DOP1B: variants seen among roughly 807,000 people sequenced by gnomAD.
DOP1B encodes the protein protein DOP1B.
Under a neutral mutation model 233.5 loss-of-function variants are expected in DOP1B, and 174 were observed. The observed-to-expected ratio is 0.75, with a 90% confidence interval of 0.66 to 0.85. DOP1B has a LOEUF of 0.85. Ranked by LOEUF, DOP1B falls within the 40% of genes least tolerant of loss-of-function variation. The pLI is 0.00. For missense variants in DOP1B, 2,652 were observed against 2,846.6 expected, an observed-to-expected ratio of 0.93 and a Z score of 1.56; for synonymous variants, 1,190 against 1,185.6, an observed-to-expected ratio of 1.00 and a Z score of -0.08.
chr21:36,219,597 A>C lies in DOP1B; in HGVS notation c.1250+105A>C, dbSNP rs1471681468. ...TAAATTGTGAAGTGGTAGAGAAAGC[A>C]GAGATGCAGCAGGTGAGACCATTGG... On this transcript the variant is annotated intron_variant, in intron 10 of 36. Coordinates refer to ENST00000691173, the MANE Select transcript of DOP1B (RefSeq NM_001320714.2). 3 of 1,491,428 alleles carry C rather than the reference A, an allele frequency of 2.0e-6. No homozygotes were observed. The African/African-American group carries it at 4.2e-5, about 21-fold the overall frequency. 92.4% of individuals were successfully genotyped at this position (1,491,428 alleles called of 1,614,324 possible).
At chr21:36,242,509 C>A (rs560803925) in intron 18 of DOP1B, among the ~76,000 whole-genome samples, 2 of 151,954 alleles carry the variant, frequency 1.3e-5, no homozygotes, top group Admixed American at 6.6e-5. Flanking sequence ...ATGGGTGTTT[C>A]GCCATGTTGG....
At chr21:36,239,720 CA>C in intron 17 of DOP1B, 44 bp from the exon 18 acceptor site, 1 of 1,488,854 alleles carries the variant, frequency 6.7e-7, no homozygotes, top group Non-Finnish European at 9.0e-7. Flanking sequence ...GCCTGGCGCA[CA>C]GGGGTGGCTG....
intron 2 of DOP1B, among the ~76,000 whole-genome samples, chr21:36,195,340 CAAAAA>C (rs60003046): frequency 2.4e-5 from 2 of 84,094 alleles, no homozygotes; most frequent in African/African-American, 4.7e-5. Flanking sequence ...GACTCTGGCT[CAAAAA>C]AAAAAAAAAA....
intron 4 of DOP1B, among the ~76,000 whole-genome samples, chr21:36,208,426 G>C (rs1039513003): frequency 6.6e-6 from 1 of 152,216 alleles, no homozygotes; most frequent in Non-Finnish European, 1.5e-5. Flanking sequence ...CCAGGGTGGA[G>C]ATGGGTCTCT....
At chr21:36,262,771 A>G (rs540067927) in intron 24 of DOP1B, among the ~76,000 whole-genome samples, 29 of 152,062 alleles carry the variant, frequency 1.9e-4, no homozygotes, top group Admixed American at 5.2e-4. Flanking sequence ...GCCCGCGCCT[A>G]TACTCCCAGC....
rs78970888 is a variant in DOP1B, at chr21:36,262,049, A to G, written c.5315+1317A>G. 2.6e-3 allele frequency: 2,173 copies of G among 846,976 alleles called. 38 individuals are homozygous for G. The African/African-American group carries it at 0.036, about 14-fold the overall frequency. The allele number at this position is 846,976 out of a possible 1,614,324, so 52.5% of individuals were successfully genotyped here. On this transcript the variant is annotated intron_variant, in intron 24 of 36. Coordinates refer to ENST00000691173, the MANE Select transcript of DOP1B (RefSeq NM_001320714.2). ...AGGCTCCTTGATTCACACAGTTAAC[A>G]TTACATAGTTATTCCCACTCACCAC...
chr21:36,227,737 C>A lies in DOP1B; in HGVS notation c.1525C>A (p.Leu509Met). Reference protein sequence around the residue: ...TQYLPQVLGCLVQPLAEDMEA... With the variant: ...TQYLPQVLGCMVQPLAEDMEA... ...GTATCTCCCTCAGGTGCTCGGCTGC[C>A]TGGTGCAGCCTCTTGCTGAGGACAT... is the stretch of plus-strand genomic sequence containing the variant. Residue 509 changes from leucine to methionine, a missense_variant, in exon 13 of 37, where the codon CTG becomes ATG. This residue lies in a region of DOP1B where 2,617 missense variants were observed against 2,794.3 expected (regional missense o/e 0.94). Transcript: ENST00000691173. 1 of 1,608,466 alleles carries A rather than the reference C, an allele frequency of 6.2e-7. No homozygotes were observed. The highest frequency in any genetic ancestry group is 8.5e-7 in the Non-Finnish European group (1 of 1,176,372).
chr21:36,178,239 T>C (rs557349543), intron 2 of DOP1B, among the ~76,000 whole-genome samples: 5 of 152,206 alleles, frequency 3.3e-5, no homozygotes, highest in South Asian at 4.2e-4. Context: ...ACTTGTACTC[T>C]CAGGACTTTG....
rs1262942141 is a variant in DOP1B at position 36,228,417 on chromosome 21, G to A, written c.1665+540G>A. Among the ~76,000 whole-genome samples the A allele has an allele frequency of 3.3e-5, 5 of 150,682 alleles. No homozygotes were observed. The East Asian group carries it at 6.0e-4, about 18-fold the overall frequency. The stretch of plus-strand genomic sequence containing the variant: ...GGCGGAGGTTGCAGTGAGCCATCAC[G>A]CCACTGCACTTAAGCCTGGGCAACA... On this transcript the variant is annotated intron_variant, in intron 13 of 36. Coordinates refer to ENST00000691173, the MANE Select transcript of DOP1B (RefSeq NM_001320714.2).
At chr21:36,167,076 G>A (rs1432235443) in intron 2 of DOP1B, among the ~76,000 whole-genome samples, 1 of 152,324 alleles carries the variant, frequency 6.6e-6, no homozygotes, top group Non-Finnish European at 1.5e-5. Context: ...GAGGGGAAAG[G>A]GAGAAGCAGT....
At chr21:36,183,978 C>T (rs2066133429) in intron 2 of DOP1B, among the ~76,000 whole-genome samples, 1 of 152,070 alleles carries the variant, frequency 6.6e-6, no homozygotes. Flanking sequence ...ATTCTCCTGC[C>T]TCAGCTTCCC....
At chr21:36,283,426 G>A (rs974255076) in intron 32 of DOP1B, among the ~76,000 whole-genome samples, 13 of 52,352 alleles carry the variant, frequency 2.5e-4, no homozygotes, top group African/African-American at 8.2e-4. Context: ...GCGTTGACTC[G>A]TTAGTCATGA....
chr21:36,271,266 C>T (rs957432224), intron 27 of DOP1B, among the ~76,000 whole-genome samples: 2 of 150,654 alleles, frequency 1.3e-5, no homozygotes, highest in Non-Finnish European at 3.0e-5. Context: ...TTGGAGTTCA[C>T]CCAGGTTGGA....
intron 27 of DOP1B, 25 bp from the exon 28 acceptor site, chr21:36,276,996 T>C (rs1434645188): frequency 1.9e-6 from 3 of 1,613,080 alleles, no homozygotes; most frequent in Non-Finnish European, 2.5e-6. Flanking sequence ...ATAGTTAACA[T>C]ACAAATGGCT....
chr21:36,245,226 C>A lies in DOP1B; in HGVS notation c.3246C>A (p.Gly1082=). ...EKEPEKYPLR[G]ELSEEELPYY... is the part of the protein sequence containing the mutation. ...AGCCCGAGAAGTACCCGCTGCGAGG[C>A]GAGCTGAGCGAGGAAGAGCTGCCCT... is the stretch of plus-strand genomic sequence containing the variant. The change falls in exon 19 of 37, where the codon GGC becomes GGA. Residue 1082 remains glycine (G), a synonymous_variant. Coordinates refer to ENST00000691173, the MANE Select transcript of DOP1B (RefSeq NM_001320714.2). The surrounding 1 kb of genome is among the most constrained non-coding windows in gnomAD (Gnocchi z 5.5). The A allele has an allele frequency of 6.2e-7, 1 of 1,614,082 alleles. No individual in the cohort carries two copies. Among genetic ancestry groups the A allele is most frequent in the African/African-American group, 1.3e-5 (1 of 75,058 alleles).
intron 22 of DOP1B, among the ~76,000 whole-genome samples, chr21:36,253,292 T>C (rs967142008): frequency 5.9e-5 from 9 of 152,258 alleles, no homozygotes; most frequent in African/African-American, 2.2e-4. Context: ...TGCTTTCTAC[T>C]AAATTCAAAC....
chr21:36,202,760 C>T (rs16993991), intron 4 of DOP1B, among the ~76,000 whole-genome samples: 1,941 of 152,280 alleles, frequency 0.013, 40 homozygotes, highest in African/African-American at 0.043. Context: ...TGTCTCGTTG[C>T]GGTTTTAAGC....
In DOP1B at chr21:36,257,687, G is replaced by GAT. The variant is rs1315863410; in HGVS notation, c.5260-2990_5260-2989insAT. ...AGATGTAGGTAGGTAGGTAGATGTA[G>GAT]GTAGGTAGGTAGAGAGATGGATGTA... On this transcript the variant is annotated intron_variant, in intron 23 of 36. Transcript: ENST00000691173. Among the ~76,000 whole-genome samples the GAT allele has an allele frequency of 1.4e-3, 209 of 146,742 alleles. 1 individual carries two copies. The highest frequency in any genetic ancestry group is 4.3e-3 in the African/African-American group (170 of 39,574).
intron 2 of DOP1B, among the ~76,000 whole-genome samples, chr21:36,172,516 C>T (rs1215344472): frequency 1.3e-5 from 2 of 152,170 alleles, no homozygotes; most frequent in Non-Finnish European, 2.9e-5. Context: ...AATCCTAGCA[C>T]TTTGGGAGGC....
Sources: gnomAD v4.1 joint callset for allele counts (sites outside exome capture counted in the v4.1 genomes callset) on GRCh38, gnomAD v4.1.1 for gene constraint, gnomAD v4.1.1 regional missense constraint, Gnocchi (gnomAD v3.1) non-coding constraint, MANE v1.5 for transcripts, NCBI Gene and HGNC (gene_info 2026-07-23, HGNC 2026-07-21) for gene names.